Variants in RTCA observed in about 807,000 individuals in gnomAD.
RTCA encodes RNA 3'-terminal phosphate cyclase, also known as RNA terminal phosphate cyclase domain 1.
RTCA carries 37 observed loss-of-function variants against 46.1 expected under a neutral mutation model. The ratio of observed to expected loss-of-function variants is 0.80; its 90% CI spans 0.62 to 1.06. RTCA has a LOEUF of 1.06. Among genes scored for constraint, RTCA ranks in the 50% least tolerant of loss-of-function variants. The pLI is 0.00. For missense variants in RTCA, 435 were observed against 455.5 expected, an observed-to-expected ratio of 0.95 and a Z score of 0.41; for synonymous variants, 164 against 158.3, an observed-to-expected ratio of 1.04 and a Z score of -0.27.
At chr1:100,284,453 G>A (rs1227993473) in intron 8 of RTCA, among the ~76,000 whole-genome samples, 1 of 150,946 alleles carries the variant, frequency 6.6e-6, no homozygotes, top group Non-Finnish European at 1.5e-5. Context: ...GAGTACAGTG[G>A]CACAATCTCA....
At chr1:100,271,256 C>T (rs1357859421) in intron 4 of RTCA, among the ~76,000 whole-genome samples, 2 of 151,678 alleles carry the variant, frequency 1.3e-5, no homozygotes, top group Non-Finnish European at 2.9e-5. Context: ...CCAGCCTGGG[C>T]AACATGGTGA....
At chr1:100,277,524 G>T (rs1323343958) in intron 8 of RTCA, among the ~76,000 whole-genome samples, 1 of 152,134 alleles carries the variant, frequency 6.6e-6, no homozygotes, top group African/African-American at 2.4e-5. Flanking sequence ...AAAGTTGAAT[G>T]ACTAGTTCAA....
At chr1:100,277,102 G>C (rs146651366) in intron 7 of RTCA, among the ~76,000 whole-genome samples, 156 bp from the exon 8 acceptor site, 14 of 152,142 alleles carry the variant, frequency 9.2e-5, no homozygotes, top group African/African-American at 3.4e-4. Context: ...GATAGACAAT[G>C]TTAATCATAC....
intron 8 of RTCA, among the ~76,000 whole-genome samples, chr1:100,277,803 G>GC (rs1491426871): frequency 6.1e-5 from 8 of 130,358 alleles, no homozygotes; most frequent in Admixed American, 4.6e-4. Flanking sequence ...TTTTTTTTTT[G>GC]GGGGGGGGCA....
In RTCA at chr1:100,291,419, A is replaced by C. The variant is rs1667347175; in HGVS notation, c.1016A>C (p.Lys339Thr). ...TGATTTCAGGCTAAATTTATTGTGA[A>C]GAAATCAGAAGATGAAGAAGACGCC... ...EQIAKAKFIVKKSEDEEDAAK... is the reference protein window; with the variant it reads ...EQIAKAKFIVTKSEDEEDAAK... The change falls in exon 11 of 11, where the codon AAG becomes ACG. Residue 339 changes from lysine to threonine, a missense_variant. Physicochemically the swap from Lys to Thr is moderately conservative, Grantham distance 78. Transcript: ENST00000370128. 2 of 1,609,896 alleles carry C rather than the reference A, an allele frequency of 1.2e-6. No homozygotes were observed. Among genetic ancestry groups the C allele is most frequent in the Non-Finnish European group, 1.7e-6 (2 of 1,177,600 alleles).
rs774341870 is a variant in RTCA at position 100,270,644 on chromosome 1, T to C, written c.378T>C (p.Asn126=). ...PSELHLKGGT[N]AEMAPQIDYT... ...AACTTCATTTGAAAGGTGGAACTAA[T>C]GCTGAAATGGCACCACAGATCGATT... Residue 126 remains asparagine (N), a synonymous_variant, in exon 4 of 11, where the codon AAT becomes AAC. Coordinates refer to ENST00000370128, the MANE Select transcript of RTCA (RefSeq NM_003729.4). 9 of 1,614,028 alleles carry C rather than the reference T, an allele frequency of 5.6e-6. No homozygotes were observed. Among genetic ancestry groups the C allele is most frequent in the Non-Finnish European group, 7.6e-6 (9 of 1,179,992 alleles).
chr1:100,286,843 T>C (rs1667059841), intron 9 of RTCA, among the ~76,000 whole-genome samples: 1 of 152,202 alleles, frequency 6.6e-6, no homozygotes, highest in African/African-American at 2.4e-5. Context: ...ATATTACTGT[T>C]CTGTATTTTA....
chr1:100,288,878 A>G (rs11166424), intron 10 of RTCA, among the ~76,000 whole-genome samples: 27,690 of 150,868 alleles, frequency 0.18, 3,150 homozygotes, highest in African/African-American at 0.33. Context: ...GTTGGAGTGC[A>G]GTGGCACAGT....
chr1:100,285,442 T>A, intron 9 of RTCA, 120 bp downstream of exon 9: 1 of 653,090 alleles, frequency 1.5e-6, no homozygotes, highest in Non-Finnish European at 2.6e-6. Flanking sequence ...CTTCAATAAT[T>A]TAAAAAAATA....
At position 100,272,270 on chromosome 1, in the gene RTCA, T is replaced by C. The variant is rs552584596; in HGVS notation, c.415-1124T>C. Among the ~76,000 whole-genome samples the C allele has an allele frequency of 5.5e-4, 84 of 152,284 alleles. 1 individual carries two copies. Among genetic ancestry groups the C allele is most frequent in the African/African-American group, 1.9e-3 (80 of 41,560 alleles). On this transcript the variant is annotated intron_variant, in intron 4 of 10. Transcript: ENST00000370128. ...CTTCCAAAGTGGCTACATTTTGCATTATTACCAGTACTATATGAGAGTTCC... is the reference window on the plus strand; with the variant it reads ...CTTCCAAAGTGGCTACATTTTGCATCATTACCAGTACTATATGAGAGTTCC...
intron 8 of RTCA, chr1:100,281,456 C>G: frequency 2.6e-6 from 1 of 378,074 alleles, no homozygotes; most frequent in South Asian, 2.0e-5. Flanking sequence ...GTTTAAGGAT[C>G]CCTTCCAACT....
chr1:100,283,248 A>G (rs1025445767), intron 8 of RTCA, among the ~76,000 whole-genome samples: 2 of 144,672 alleles, frequency 1.4e-5, no homozygotes, highest in Non-Finnish European at 3.0e-5. Context: ...TCAGCTCACC[A>G]TAACCTCCGC....
Position 100,273,385 on chromosome 1 carries a change from T to C in RTCA, c.415-9T>C. 1 of 1,557,252 alleles carries C rather than the reference T, an allele frequency of 6.4e-7. No homozygotes were observed. The highest frequency in any genetic ancestry group is 8.8e-7 in the Non-Finnish European group (1 of 1,141,502). On this transcript the variant is annotated splice_polypyrimidine_tract_variant and intron_variant, in intron 4 of 10. Coordinates refer to ENST00000370128, the MANE Select transcript of RTCA (RefSeq NM_003729.4). ...TGATTAACCTAATGATAAAAACTGA[T>C]TTTTTCAGGTCTTCAAGCCAATTGT... is the stretch of plus-strand genomic sequence containing the variant.
chr1:100,269,023 A>G (rs901672220), intron 3 of RTCA, among the ~76,000 whole-genome samples: 4 of 148,836 alleles, frequency 2.7e-5, no homozygotes, highest in Non-Finnish European at 4.4e-5. Context: ...ACCCCGTCAT[A>G]TATATATATT....
chr1:100,275,185 C>G (rs892670706), intron 6 of RTCA, among the ~76,000 whole-genome samples: 8 of 152,096 alleles, frequency 5.3e-5, no homozygotes, highest in African/African-American at 1.9e-4. Flanking sequence ...GGAAGCTACG[C>G]ATTGAATACA....
At chr1:100,280,645 G>T (rs1666659493) in intron 8 of RTCA, among the ~76,000 whole-genome samples, 1 of 152,158 alleles carries the variant, frequency 6.6e-6, no homozygotes. Flanking sequence ...ATCTCAGAGA[G>T]AATGTCATGA....
At position 100,287,018 on chromosome 1, in the gene RTCA, T is replaced by G. The variant is rs111708921; in HGVS notation, c.895-81T>G. The stretch of plus-strand genomic sequence containing the variant: ...TTAGCAATTTTTATTTCTAGTAGTA[T>G]TTTTATTATGGGCAGCAGTGGAATT... On this transcript the variant is annotated intron_variant, in intron 9 of 10. Coordinates refer to ENST00000370128, the MANE Select transcript of RTCA (RefSeq NM_003729.4). 1.2e-3 allele frequency: 1,138 copies of G among 951,900 alleles called. 4 individuals are homozygous for G. In the African/African-American group the frequency reaches 0.016, roughly 14 times the overall value. The allele number at this position is 951,900 out of a possible 1,614,324, so 59.0% of individuals were successfully genotyped here. A position where few individuals can be genotyped will look rare whatever the true frequency, so the allele number is the denominator to read the frequency against.
chr1:100,283,618 C>T (rs924187568), intron 8 of RTCA, among the ~76,000 whole-genome samples: 2 of 151,994 alleles, frequency 1.3e-5, no homozygotes, highest in East Asian at 3.9e-4. Context: ...ATTTCTATAA[C>T]AACTTTGCAG....
intron 8 of RTCA, among the ~76,000 whole-genome samples, chr1:100,280,554 A>G (rs927532905): frequency 6.6e-6 from 1 of 152,200 alleles, no homozygotes; most frequent in Non-Finnish European, 1.5e-5. Flanking sequence ...GGTTCCTATC[A>G]TGCACATCAG....
Sources: allele counts gnomAD v4.1 joint callset (sites outside exome capture counted in the v4.1 genomes callset), GRCh38; gene constraint gnomAD v4.1.1; transcripts MANE v1.5; gene names NCBI Gene and HGNC (gene_info 2026-07-23, HGNC 2026-07-21).